FLYWCH2: variants seen among roughly 807,000 people sequenced by gnomAD.
FLYWCH2 encodes FLYWCH family member 2.
Under a neutral mutation model 6.0 loss-of-function variants are expected in FLYWCH2, and 2 were observed. The observed-to-expected ratio is 0.33, with a 90% CI of 0.14 to 1.04. The LOEUF (loss-of-function observed/expected upper bound fraction) is 1.04. FLYWCH2 is among the 50% of genes least tolerant of loss of function. FLYWCH2 has a pLI of 0.45. For synonymous variants in FLYWCH2, 87 were observed against 79.3 expected (o/e 1.10, Z -0.52); for missense variants, 192 against 183.4 (o/e 1.05, Z -0.27).
In FLYWCH2 at chr16:2,896,783, C is replaced by G. The variant is rs778411634; in HGVS notation, c.322+12C>G. 9 of 1,605,032 alleles carry G rather than the reference C, an allele frequency of 5.6e-6. No homozygotes were observed. The highest frequency in any genetic ancestry group is 1.7e-4 in the Middle Eastern group (1 of 5,984). On this transcript the variant is annotated intron_variant, in intron 3 of 3. Coordinates refer to ENST00000396958, the MANE Select transcript of FLYWCH2 (RefSeq NM_138439.3). Reference sequence around the variant, plus strand: ...CAGGCAGGACCCAGGTGAGGCTCCACAGCGGCCCCCCAGGACAGCTCGGCA... The same window carrying G: ...CAGGCAGGACCCAGGTGAGGCTCCAGAGCGGCCCCCCAGGACAGCTCGGCA...
rs988985819 is a variant in FLYWCH2 at position 2,890,540 on chromosome 16, G to A, written c.-199-4680G>A. On this transcript the variant is annotated intron_variant, in intron 1 of 3. Transcript: ENST00000396958. ...AGCGATTCTCCTGCCTCAGCCTCCC[G>A]AGTAGCTGGGATTACAGGCGCCTGC... 5.3e-5 allele frequency among the ~76,000 whole-genome samples: 8 copies of A among 151,134 alleles called. No homozygotes were observed. In the East Asian group the frequency reaches 5.8e-4, roughly 11 times the overall value.
intron 1 of FLYWCH2, among the ~76,000 whole-genome samples, chr16:2,891,551 C>G (rs1000044314): frequency 6.6e-6 from 1 of 152,000 alleles, no homozygotes; most frequent in Non-Finnish European, 1.5e-5. Context: ...ACTACAGGCG[C>G]CCGCCACCAC....
At chr16:2,884,479 T>C (rs1213425359) in intron 1 of FLYWCH2, among the ~76,000 whole-genome samples, 1 of 144,092 alleles carries the variant, frequency 6.9e-6, no homozygotes. Context: ...TCCTAGCACT[T>C]TGGGAGGCCG....
chr16:2,885,119 G>A (rs923663490), intron 1 of FLYWCH2, among the ~76,000 whole-genome samples: 14 of 152,100 alleles, frequency 9.2e-5, no homozygotes, highest in Non-Finnish European at 1.5e-4. Context: ...TCAGGAGATC[G>A]AGACCATCCT....
rs2069660161 is a variant in FLYWCH2 at position 2,883,269 on chromosome 16, T to G, written c.-297T>G. 2.0e-5 allele frequency: 3 copies of G among 152,350 alleles called. No homozygotes were observed. The highest frequency in any genetic ancestry group is 2.1e-4 in the South Asian group (1 of 4,828). The allele number at this position is 152,350 out of a possible 1,614,324, so 9.4% of individuals were successfully genotyped here. ...GCATGCTCGCGCTGTGACCCCGGCT[T>G]GAGGTAACAGCGCGAGCTGAGGCTG... is the stretch of plus-strand genomic sequence containing the variant. On this transcript the variant is annotated 5_prime_UTR_variant, in exon 1 of 4. Coordinates refer to ENST00000396958, the MANE Select transcript of FLYWCH2 (RefSeq NM_138439.3).
chr16:2,889,551 TA>T (rs57270684), intron 1 of FLYWCH2, among the ~76,000 whole-genome samples: 119,090 of 149,492 alleles, frequency 0.8, 47,468 homozygotes, highest in Non-Finnish European at 0.84. Context: ...AAGACTATAT[TA>T]AAAAAAAAAA....
chr16:2,892,542 A>G (rs2069770047), intron 1 of FLYWCH2, among the ~76,000 whole-genome samples: 1 of 148,860 alleles, frequency 6.7e-6, no homozygotes, highest in Non-Finnish European at 1.5e-5. Context: ...ATTATAAAGG[A>G]GACAGATGAA....
At position 2,899,089 on chromosome 16, in the gene FLYWCH2, T is replaced by C; in HGVS notation, c.363T>C (p.Pro121=). Residue 121 remains proline, a synonymous_variant, in exon 4 of 4, where the codon CCT becomes CCC. Coordinates refer to ENST00000396958, the MANE Select transcript of FLYWCH2 (RefSeq NM_138439.3). ...RTEDSGLAAG[P]PEAAGENFAP... Reference sequence around the variant, plus strand: ...AAGACAGTGGATTAGCAGCGGGGCCTCCTGAGGCTGCTGGGGAGAACTTTG... The same window carrying C: ...AAGACAGTGGATTAGCAGCGGGGCCCCCTGAGGCTGCTGGGGAGAACTTTG... 6.2e-7 allele frequency: 1 copy of C among 1,613,750 alleles called. No homozygotes were observed. Among genetic ancestry groups the C allele is most frequent in the Non-Finnish European group, 8.5e-7 (1 of 1,179,858 alleles).
intron 1 of FLYWCH2, among the ~76,000 whole-genome samples, chr16:2,893,019 T>TAC (rs144253671): frequency 0.29 from 42,244 of 145,866 alleles, 6,119 homozygotes; most frequent in East Asian, 0.33. Flanking sequence ...TTTATATATA[T>TAC]ACACACACAC....
chr16:2,892,314 G>A (rs2069766896), intron 1 of FLYWCH2, among the ~76,000 whole-genome samples: 3 of 151,862 alleles, frequency 2.0e-5, no homozygotes, highest in Admixed American at 1.3e-4. Flanking sequence ...GGCCAACATG[G>A]TGAAACCCCA....
intron 1 of FLYWCH2, among the ~76,000 whole-genome samples, chr16:2,894,372 C>T (rs777378209): frequency 2.0e-5 from 3 of 152,272 alleles, no homozygotes; most frequent in South Asian, 2.1e-4. Context: ...GGCATTTATT[C>T]CTGCCCGGAC....
chr16:2,886,806 C>G (rs141088001), intron 1 of FLYWCH2, among the ~76,000 whole-genome samples: 1 of 152,102 alleles, frequency 6.6e-6, no homozygotes, highest in African/African-American at 2.4e-5. Flanking sequence ...CAGGTGTGAG[C>G]CACCATGCCC....
intron 1 of FLYWCH2, among the ~76,000 whole-genome samples, chr16:2,890,666 C>T (rs576514249): frequency 2.9e-4 from 44 of 152,060 alleles, no homozygotes; most frequent in Admixed American, 2.9e-3. Flanking sequence ...TTGTGATCCA[C>T]CCGCCTCAGC....
chr16:2,896,782 A>C lies in FLYWCH2; in HGVS notation c.322+11A>C, dbSNP rs1294707807. 1 of 1,605,746 alleles carries C rather than the reference A, an allele frequency of 6.2e-7. No homozygotes were observed. Among genetic ancestry groups the C allele is most frequent in the South Asian group, 1.1e-5 (1 of 90,844 alleles). On this transcript the variant is annotated intron_variant, in intron 3 of 3. Transcript: ENST00000396958. ...GCAGGCAGGACCCAGGTGAGGCTCCACAGCGGCCCCCCAGGACAGCTCGGC... is the reference window on the plus strand; with the variant it reads ...GCAGGCAGGACCCAGGTGAGGCTCCCCAGCGGCCCCCCAGGACAGCTCGGC...
In FLYWCH2 at chr16:2,887,677, G is replaced by A. The variant is rs116197767; in HGVS notation, c.-200+4311G>A. On this transcript the variant is annotated intron_variant, in intron 1 of 3. Coordinates refer to ENST00000396958, the MANE Select transcript of FLYWCH2 (RefSeq NM_138439.3). ...CCTTGACCTCCCAGGCTCAAGCAACGCTCCCACCTCAGCCTCCCAAGTTGC... is the reference window on the plus strand; with the variant it reads ...CCTTGACCTCCCAGGCTCAAGCAACACTCCCACCTCAGCCTCCCAAGTTGC... Among the ~76,000 whole-genome samples the A allele has an allele frequency of 3.3e-3, 495 of 150,336 alleles. 4 individuals are homozygous for A. The highest frequency in any genetic ancestry group is 0.012 in the African/African-American group (473 of 40,832).
At chr16:2,888,055 C>A (rs2069718140) in intron 1 of FLYWCH2, among the ~76,000 whole-genome samples, 1 of 151,992 alleles carries the variant, frequency 6.6e-6, no homozygotes, top group Admixed American at 6.6e-5. Flanking sequence ...GTTGCCCAGG[C>A]TGGAGTGTAG....
chr16:2,896,683 G>T lies in FLYWCH2; in HGVS notation c.234G>T (p.Lys78Asn). ...LGVPGPATLA[K>N]ALLQTHPEAQ... ...TGCCCGGCCCCGCCACCCTTGCCAA[G>T]GCCCTCCTCCAGACCCACCCCGAGG... The change falls in exon 3 of 4, where the codon AAG (lysine) becomes AAT (asparagine). Residue 78 changes from lysine to asparagine, a missense_variant. Transcript: ENST00000396958. The T allele has an allele frequency of 6.2e-7, 1 of 1,613,078 alleles. No homozygotes were observed. The highest frequency in any genetic ancestry group is 2.2e-5 in the East Asian group (1 of 44,850).
Position 2,894,635 on chromosome 16 carries a change from G to A in FLYWCH2, c.-199-585G>A, listed in dbSNP as rs750572552. On this transcript the variant is annotated intron_variant, in intron 1 of 3. Transcript: ENST00000396958. ...GGAGGCGGACGGATAACGCGACCCC[G>A]ATCCCTGCGGTACTCTGCAGTCATG... Among the ~76,000 whole-genome samples, 13 of 152,336 alleles carry A rather than the reference G, an allele frequency of 8.5e-5. No homozygotes were observed. In the East Asian group the frequency reaches 1.4e-3, roughly 16 times the overall value.
chr16:2,883,563 C>G (rs770727910), intron 1 of FLYWCH2, among the ~76,000 whole-genome samples, 197 bp downstream of exon 1: 1 of 152,152 alleles, frequency 6.6e-6, no homozygotes, highest in Admixed American at 6.5e-5. Context: ...CCCTCCAGTC[C>G]CTTGTCCAAA....
Sources: allele counts gnomAD v4.1 joint callset (sites outside exome capture counted in the v4.1 genomes callset), GRCh38; gene constraint gnomAD v4.1.1; transcripts MANE v1.5; gene names NCBI Gene and HGNC (gene_info 2026-07-23, HGNC 2026-07-21).